Variants in SLC36A1 observed in about 807,000 individuals in gnomAD.
SLC36A1 encodes proton-coupled amino acid transporter 1.
A neutral mutation model predicts 47.5 loss-of-function variants in SLC36A1; 30 were observed. The ratio of observed to expected loss-of-function variants is 0.63; its 90% CI spans 0.47 to 0.86. The LOEUF is 0.86. Among genes scored for constraint, SLC36A1 ranks in the 40% least tolerant of loss-of-function variants. The pLI is 0.00. For missense variants in SLC36A1, 517 were observed against 606.0 expected (o/e 0.85, Z 1.54); for synonymous variants, 255 against 249.7 (o/e 1.02, Z -0.20).
At chr5:151,533,145 A>G in the SLC36A1 span, among the ~76,000 whole-genome samples, 1 of 152,134 alleles carries the variant, frequency 6.6e-6, no homozygotes, top group Admixed American at 6.5e-5. Flanking sequence ...GGAATGACAG[A>G]TGTCCCACTT....
At position 151,474,969 on chromosome 5, in the gene SLC36A1, G is replaced by A. The variant is rs560983533; in HGVS notation, c.822+1198G>A. On this transcript the variant is annotated intron_variant, in intron 8 of 10. Coordinates refer to ENST00000243389, the MANE Select transcript of SLC36A1 (RefSeq NM_078483.4). Reference sequence around the variant, plus strand: ...CAAAATCGTGAGAAATCACCCAGGTGGTGTTGATGGAACACGTTGAAGCTC... The same window carrying A: ...CAAAATCGTGAGAAATCACCCAGGTAGTGTTGATGGAACACGTTGAAGCTC... Among the ~76,000 whole-genome samples the A allele has an allele frequency of 3.9e-5, 6 of 152,324 alleles. No homozygotes were observed. In the South Asian group the frequency reaches 1.0e-3, roughly 26 times the overall value.
the SLC36A1 span, chr5:151,544,980 C>T: frequency 1.2e-6 from 2 of 1,614,106 alleles, no homozygotes; most frequent in Non-Finnish European, 8.5e-7. Flanking sequence ...GAGCCACCCG[C>T]TGAGGTGTCC....
At chr5:151,510,313 G>T in the SLC36A1 span, 2 of 986,122 alleles carry the variant, frequency 2.0e-6, no homozygotes, top group Non-Finnish European at 3.0e-6. Flanking sequence ...GCCCAATACC[G>T]TGCTGGGCAT....
At position 151,473,664 on chromosome 5, in the gene SLC36A1, G is replaced by T. The variant is rs776768886; in HGVS notation, c.724-9G>T. On this transcript the variant is annotated splice_polypyrimidine_tract_variant and intron_variant, in intron 7 of 10. Transcript: ENST00000243389. ...TTTGTTTTGCTTTGTTTTGCTTTCTGTCTTTCAGAGGATCCCAGACCCCAG... is the reference window on the plus strand; with the variant it reads ...TTTGTTTTGCTTTGTTTTGCTTTCTTTCTTTCAGAGGATCCCAGACCCCAG... 5.7e-6 allele frequency: 9 copies of T among 1,581,942 alleles called. No homozygotes were observed. Among genetic ancestry groups the T allele is most frequent in the Non-Finnish European group, 7.8e-6 (9 of 1,152,216 alleles).
the SLC36A1 span, among the ~76,000 whole-genome samples, chr5:151,533,365 G>A: frequency 6.7e-6 from 1 of 149,078 alleles, no homozygotes. Flanking sequence ...TCTCAAGCAA[G>A]TCTATTCCAC....
upstream of SLC36A1, among the ~76,000 whole-genome samples, chr5:151,447,318 A>G (rs1266292751): frequency 6.6e-6 from 1 of 152,264 alleles, no homozygotes; most frequent in East Asian, 1.9e-4. Flanking sequence ...CGAGATGTGT[A>G]AAAGAAAATA....
chr5:151,492,836 C>G (rs1760221819), downstream of SLC36A1, among the ~76,000 whole-genome samples: 1 of 152,150 alleles, frequency 6.6e-6, no homozygotes, highest in South Asian at 2.1e-4. Context: ...GTATAAAGGC[C>G]TTTAGAACAA....
At chr5:151,429,542 T>C in the SLC36A1 span, among the ~76,000 whole-genome samples, 1 of 152,082 alleles carries the variant, frequency 6.6e-6, no homozygotes, top group African/African-American at 2.4e-5. Context: ...TCATTTTTTA[T>C]GGCTGCATAG....
At chr5:151,386,164 C>G in the SLC36A1 span, among the ~76,000 whole-genome samples, 1 of 152,044 alleles carries the variant, frequency 6.6e-6, no homozygotes, top group Non-Finnish European at 1.5e-5. Flanking sequence ...AGGCATGAGC[C>G]ACCGCACCCG....
chr5:151,447,494 C>T (rs1226525671), upstream of SLC36A1: 4 of 152,312 alleles, frequency 2.6e-5, no homozygotes, highest in Admixed American at 6.5e-5. Flanking sequence ...TAATAGGTCG[C>T]CAGGTGGTGC....
In SLC36A1 at chr5:151,458,785, C is replaced by G; in HGVS notation, c.-5-3C>G. ...GGTCTTAATGCTGGCCCTGTCCCCC[C>G]AGCTGCCATGTCCACGCAGAGACTT... On this transcript the variant is annotated splice_region_variant and splice_polypyrimidine_tract_variant and intron_variant, in intron 1 of 10. Coordinates refer to ENST00000243389, the MANE Select transcript of SLC36A1 (RefSeq NM_078483.4). 1.2e-6 allele frequency: 2 copies of G among 1,613,252 alleles called. No individual in the cohort carries two copies. Among genetic ancestry groups the G allele is most frequent in the Non-Finnish European group, 1.7e-6 (2 of 1,179,454 alleles).
downstream of SLC36A1, among the ~76,000 whole-genome samples, chr5:151,494,626 A>G (rs1760287583): frequency 6.6e-6 from 1 of 152,204 alleles, no homozygotes; most frequent in Admixed American, 6.5e-5. Context: ...TGTTACATGT[A>G]TCTGTAATTG....
At chr5:151,510,140 C>G in the SLC36A1 span, 5 of 1,614,126 alleles carry the variant, frequency 3.1e-6, no homozygotes, top group Non-Finnish European at 4.2e-6. Flanking sequence ...CACAGTGCTT[C>G]CCAGAGAACT....
the SLC36A1 span, among the ~76,000 whole-genome samples, chr5:151,351,226 C>A: frequency 5.7e-4 from 86 of 151,986 alleles, no homozygotes; most frequent in African/African-American, 2.0e-3. Flanking sequence ...AAACTGAGGC[C>A]CAGATAGGAG....
intron 10 of SLC36A1, among the ~76,000 whole-genome samples, chr5:151,487,526 T>C (rs914796127): frequency 1.3e-5 from 2 of 152,218 alleles, no homozygotes; most frequent in African/African-American, 4.8e-5. Flanking sequence ...AGGCGGGGTT[T>C]CTTTTCCTAT....
At chr5:151,527,494 C>T in the SLC36A1 span, 9 of 938,542 alleles carry the variant, frequency 9.6e-6, no homozygotes, top group South Asian at 8.5e-5. Flanking sequence ...CCTATGCCCA[C>T]CCCCACTGCC....
the SLC36A1 span, chr5:151,509,849 G>A: frequency 5.6e-5 from 38 of 674,870 alleles, no homozygotes; most frequent in African/African-American, 3.6e-4. Context: ...CCATGAAACC[G>A]GTCCCTGGTG....
chr5:151,527,083 A>G, the SLC36A1 span: 25 of 741,164 alleles, frequency 3.4e-5, 1 homozygote, highest in South Asian at 4.5e-4. Flanking sequence ...CAATTCTATA[A>G]TGCCCTCCAG....
chr5:151,537,532 T>G, the SLC36A1 span, among the ~76,000 whole-genome samples: 163 of 152,306 alleles, frequency 1.1e-3, 1 homozygote, highest in African/African-American at 3.7e-3. Context: ...CCCCTTAGCA[T>G]TCTGCACTTT....
Sources: gnomAD v4.1 joint callset for allele counts (sites outside exome capture counted in the v4.1 genomes callset) on GRCh38, gnomAD v4.1.1 for gene constraint, MANE v1.5 for transcripts, NCBI Gene and HGNC (gene_info 2026-07-23, HGNC 2026-07-21) for gene names.